BHMT: variants seen among roughly 807,000 people sequenced by gnomAD.
The protein encoded by BHMT is betaine--homocysteine S-methyltransferase, also known as betaine--homocysteine S-methyltransferase 1.
BHMT carries 38 observed loss-of-function variants against 49.5 expected under a neutral mutation model. The ratio of observed to expected loss-of-function variants is 0.77; its 90% CI spans 0.59 to 1.01. The LOEUF (loss-of-function observed/expected upper bound fraction) is 1.01. BHMT is among the 50% of genes least tolerant of loss of function. The pLI is 0.00. For synonymous variants in BHMT, 166 were observed against 176.3 expected (o/e 0.94, Z 0.46); for missense variants, 426 against 495.7 (o/e 0.86, Z 1.34).
chr5:79,130,879 A>C, intron 7 of BHMT, 54 bp from the exon 8 acceptor site: 1 of 1,447,406 alleles, frequency 6.9e-7, no homozygotes, highest in Non-Finnish European at 9.2e-7. Context: ...TGATATAAAG[A>C]CCAAAGCTAG....
chr5:79,119,126 AC>A (rs1756427220), intron 2 of BHMT, 132 bp from the exon 3 acceptor site: 1 of 678,664 alleles, frequency 1.5e-6, no homozygotes, highest in Non-Finnish European at 2.5e-6. Context: ...CCTCTCATCT[AC>A]CCCTAAGATG....
intron 6 of BHMT, 40 bp downstream of exon 6, chr5:79,126,268 T>C: frequency 6.3e-7 from 1 of 1,597,530 alleles, no homozygotes; most frequent in Non-Finnish European, 8.6e-7. Context: ...ATATCTTCAT[T>C]TGATATGCAT....
rs1422337711 is a variant in BHMT at position 79,131,240 on chromosome 5, C to T, written c.*124C>T. On this transcript the variant is annotated 3_prime_UTR_variant, in exon 8 of 8. Coordinates refer to ENST00000274353, the MANE Select transcript of BHMT (RefSeq NM_001713.3). ...CATCCTACACATATTATTGCTATTA[C>T]CTGAACAAAATAGAATTACAAATAG... is the stretch of plus-strand genomic sequence containing the variant. 1 of 912,526 alleles carries T rather than the reference C, an allele frequency of 1.1e-6. No individual in the cohort carries two copies. The highest frequency in any genetic ancestry group is 2.2e-5 in the South Asian group (1 of 44,896). The allele number at this position is 912,526 out of a possible 1,614,324, so 56.5% of individuals were successfully genotyped here. A position where few individuals can be genotyped will look rare whatever the true frequency, so the allele number is the denominator to read the frequency against.
At chr5:79,118,057 G>T (rs1198299120) in intron 2 of BHMT, among the ~76,000 whole-genome samples, 2 of 152,156 alleles carry the variant, frequency 1.3e-5, no homozygotes, top group Admixed American at 1.3e-4. Context: ...ATTTTAATTT[G>T]CAGGGGATCT....
chr5:79,112,939 C>A (rs574476279), intron 1 of BHMT, among the ~76,000 whole-genome samples: 4 of 152,226 alleles, frequency 2.6e-5, no homozygotes, highest in African/African-American at 9.6e-5. Context: ...ACGACAGAGG[C>A]CCCCGGAAAA....
chr5:79,117,586 CT>C (rs1471675150), intron 2 of BHMT, among the ~76,000 whole-genome samples: 1 of 152,144 alleles, frequency 6.6e-6, no homozygotes, highest in African/African-American at 2.4e-5. Context: ...GTATTCATCT[CT>C]TTAAAAACAA....
chr5:79,120,564 A>G (rs1756452424), intron 4 of BHMT, 23 bp downstream of exon 4: 2 of 1,592,324 alleles, frequency 1.3e-6, no homozygotes, highest in Non-Finnish European at 1.7e-6. Context: ...GTGGTGAAAG[A>G]TAAGACAAAT....
In BHMT at chr5:79,119,314, C is replaced by T. The variant is rs35041410; in HGVS notation, c.222C>T (p.Phe74=). The T allele has an allele frequency of 1.6e-3, 2,652 of 1,614,152 alleles. 29 individuals are homozygous for T. The African/African-American group carries it at 0.029, about 18-fold the overall frequency. The change falls in exon 3 of 8, where the codon TTC becomes TTT. Residue 74 remains phenylalanine (F), a synonymous_variant. Coordinates refer to ENST00000274353, the MANE Select transcript of BHMT (RefSeq NM_001713.3). ...LRAGSNVMQT[F]TFYASEDKLE... The stretch of plus-strand genomic sequence containing the variant: ...CTGGCTCAAACGTCATGCAGACCTT[C>T]ACCTTCTATGCGAGTGAAGACAAGC...
intron 1 of BHMT, among the ~76,000 whole-genome samples, chr5:79,113,870 A>G (rs1206445517): frequency 6.6e-6 from 1 of 152,074 alleles, no homozygotes; most frequent in Non-Finnish European, 1.5e-5. Flanking sequence ...ATAGTAATTG[A>G]ATCGCCACTA....
intron 2 of BHMT, among the ~76,000 whole-genome samples, chr5:79,118,344 G>A (rs1756418085): frequency 2.0e-5 from 3 of 152,176 alleles, no homozygotes; most frequent in Admixed American, 2.0e-4. Flanking sequence ...GCAGGTGCCT[G>A]TAGTCCCAGC....
At chr5:79,114,930 C>T (rs1171161817) in intron 1 of BHMT, among the ~76,000 whole-genome samples, 1 of 152,098 alleles carries the variant, frequency 6.6e-6, no homozygotes, top group South Asian at 2.1e-4. Flanking sequence ...CAAAGTTATC[C>T]ATAGAACAAC....
chr5:79,112,369 C>A (rs910109507), intron 1 of BHMT, among the ~76,000 whole-genome samples: 4 of 152,252 alleles, frequency 2.6e-5, no homozygotes, highest in African/African-American at 9.6e-5. Context: ...GATATCCCGT[C>A]CCCACGGAGC....
At chr5:79,115,928 C>T (rs1394969351) in intron 2 of BHMT, 29 bp downstream of exon 2, 3 of 1,580,180 alleles carry the variant, frequency 1.9e-6, no homozygotes, top group South Asian at 1.2e-5. Context: ...TGTAAGTTCT[C>T]ATAAAGGAGC....
At chr5:79,113,809 T>G (rs1756344023) in intron 1 of BHMT, among the ~76,000 whole-genome samples, 1 of 152,114 alleles carries the variant, frequency 6.6e-6, no homozygotes, top group South Asian at 2.1e-4. Context: ...TGCAATAGAA[T>G]GTAAGAGATC....
rs1287039727 is a variant in BHMT, at chr5:79,126,040, T to C, written c.626-6T>C. On this transcript the variant is annotated splice_region_variant and splice_polypyrimidine_tract_variant and intron_variant, in intron 5 of 7. Coordinates refer to ENST00000274353, the MANE Select transcript of BHMT (RefSeq NM_001713.3). ...CCTAAGTCTATCATGTTCTTCCCAC[T>C]CACAGGAGCATCCATCATTGGTGTG... 1 of 1,593,650 alleles carries C rather than the reference T, an allele frequency of 6.3e-7. No homozygotes were observed. Among genetic ancestry groups the C allele is most frequent in the Non-Finnish European group, 8.6e-7 (1 of 1,163,140 alleles).
chr5:79,128,067 T>C, intron 7 of BHMT, 84 bp downstream of exon 7: 1 of 1,467,814 alleles, frequency 6.8e-7, no homozygotes, highest in Non-Finnish European at 9.2e-7. Flanking sequence ...AGCAAATTTG[T>C]TGTGTGATGA....
intron 5 of BHMT, among the ~76,000 whole-genome samples, chr5:79,123,890 T>A (rs1314062165): frequency 4.6e-5 from 7 of 151,644 alleles, no homozygotes; most frequent in Non-Finnish European, 8.8e-5. Flanking sequence ...AATCTCAGAG[T>A]TCATCAACAG....
At position 79,122,274 on chromosome 5, in the gene BHMT, T is replaced by G. The variant is rs78208775; in HGVS notation, c.625+909T>G. Among the ~76,000 whole-genome samples, 379 of 152,288 alleles carry G rather than the reference T, an allele frequency of 2.5e-3. 2 individuals are homozygous for G. The highest frequency in any genetic ancestry group is 9.0e-3 in the African/African-American group (372 of 41,562). ...ATATCTTTACTGTGGAACTTATCAA[T>G]ATCTTTGATATGTTCACATATATTC... On this transcript the variant is annotated intron_variant, in intron 5 of 7. Coordinates refer to ENST00000274353, the MANE Select transcript of BHMT (RefSeq NM_001713.3).
chr5:79,118,585 T>C (rs1001611606), intron 2 of BHMT, among the ~76,000 whole-genome samples: 2 of 152,240 alleles, frequency 1.3e-5, no homozygotes, highest in African/African-American at 2.4e-5. Flanking sequence ...GAATTATCTT[T>C]TGAAAACACT....
Sources: allele counts gnomAD v4.1 joint callset (sites outside exome capture counted in the v4.1 genomes callset), GRCh38; gene constraint gnomAD v4.1.1; transcripts MANE v1.5; gene names NCBI Gene and HGNC (gene_info 2026-07-23, HGNC 2026-07-21).